Variants in ZNF765 observed in about 807,000 individuals in gnomAD.
The protein encoded by ZNF765 is zinc finger protein 765.
A neutral mutation model predicts 44.7 loss-of-function variants in ZNF765; 37 were observed. The ratio of observed to expected loss-of-function variants is 0.83; its 90% confidence interval spans 0.64 to 1.09. The LOEUF (loss-of-function observed/expected upper bound fraction) is 1.09, where lower values mean the gene tolerates loss of function less well. ZNF765 is among the 50% of genes least tolerant of loss of function. ZNF765 has a pLI of 0.00. For missense variants in ZNF765, 594 were observed against 626.1 expected (o/e 0.95, Z 0.55); for synonymous variants, 201 against 213.7 (o/e 0.94, Z 0.52).
intron 3 of ZNF765, among the ~76,000 whole-genome samples, chr19:53,420,715 A>G (rs2085901896): frequency 1.3e-5 from 2 of 152,102 alleles, no homozygotes; most frequent in Admixed American, 1.3e-4. Context: ...GGTTTAATGG[A>G]TTTAGGGCTG....
At chr19:53,421,487 A>C (rs951772320) in intron 3 of ZNF765, among the ~76,000 whole-genome samples, 4 of 151,620 alleles carry the variant, frequency 2.6e-5, no homozygotes, top group Non-Finnish European at 2.9e-5. Flanking sequence ...GGCCCCCTTC[A>C]GAAAATAGAC....
chr19:53,415,314 T>G (rs1459005337), downstream of ZNF765, among the ~76,000 whole-genome samples: 2 of 151,472 alleles, frequency 1.3e-5, no homozygotes, highest in African/African-American at 2.4e-5. Context: ...ACATCACTGA[T>G]TGGTGAAAGC....
chr19:53,421,389 C>CT (rs1324148143), intron 3 of ZNF765, among the ~76,000 whole-genome samples: 1 of 152,208 alleles, frequency 6.6e-6, no homozygotes, highest in African/African-American at 2.4e-5. Context: ...GCCCACTGTT[C>CT]TTTTTCTATA....
At chr19:53,404,000 A>G (rs1050225484) in intron 3 of ZNF765, among the ~76,000 whole-genome samples, 2 of 152,040 alleles carry the variant, frequency 1.3e-5, no homozygotes, top group Non-Finnish European at 2.9e-5. Flanking sequence ...TAAATAACAG[A>G]AAAAAAAGTT....
rs1352429692 is a variant in ZNF765 at position 53,408,061 on chromosome 19, A to G, written c.506A>G (p.His169Arg). 6.2e-7 allele frequency: 1 copy of G among 1,614,084 alleles called. No individual in the cohort carries two copies. Among genetic ancestry groups the G allele is most frequent in the East Asian group, 2.2e-5 (1 of 44,888 alleles). ...GATAATCAAGTTGTGAAGTCTATCC[A>G]CGATGCTTCCTTGGTTTCAACAGCC... is the stretch of plus-strand genomic sequence containing the variant. ...KIDNQVVKSI[H>R]DASLVSTAQR... Residue 169 changes from histidine (H) to arginine (R), a missense_variant, in exon 4 of 4, where the codon CAC becomes CGC. Physicochemically the swap from His to Arg is conservative, Grantham distance 29 (BLOSUM62 0). Coordinates refer to ENST00000396408, the MANE Select transcript of ZNF765 (RefSeq NM_001040185.3).
At chr19:53,403,812 A>T (rs1203813409) in intron 3 of ZNF765, among the ~76,000 whole-genome samples, 2 of 149,528 alleles carry the variant, frequency 1.3e-5, no homozygotes, top group Non-Finnish European at 3.0e-5. Flanking sequence ...ACTGCCCTCC[A>T]GCCTGGGTGA....
At chr19:53,397,837 G>C (rs1360530694) in intron 1 of ZNF765, 106 bp from the exon 2 acceptor site, 2 of 1,166,300 alleles carry the variant, frequency 1.7e-6, no homozygotes, top group Non-Finnish European at 2.4e-6. Context: ...CGGCAGCATA[G>C]GGGACCGTAT....
rs373432729 is a variant in ZNF765 at position 53,408,938 on chromosome 19, T to C, written c.1383T>C (p.Thr461=). ...TTGAAATACATCAGAAAATTCATAC[T>C]GAAGAGAATCCTTACAAGTGTAATG... ...SNLEIHQKIH[T]EENPYKCNEC... Residue 461 remains threonine (T), a synonymous_variant, in exon 4 of 4, where the codon ACT becomes ACC. Transcript: ENST00000396408. 2.5e-6 allele frequency: 4 copies of C among 1,613,862 alleles called. No homozygotes were observed. In the African/African-American group the frequency reaches 5.3e-5, roughly 22 times the overall value.
Position 53,400,483 on chromosome 19 carries a change from TC to T in ZNF765, c.16-1576del, listed in dbSNP as rs201308555. The stretch of plus-strand genomic sequence containing the variant: ...CCTGTTTTCTTAGATCTGACAAGAT[TC>T]CCCCCTGTCCCCAACTGCCAATGTA... On this transcript the variant is annotated intron_variant, in intron 2 of 3. Transcript: ENST00000396408. Among the ~76,000 whole-genome samples the T allele has an allele frequency of 1.6e-3, 237 of 151,932 alleles. 6 individuals are homozygous for T. The East Asian group carries it at 0.043, about 27-fold the overall frequency.
chr19:53,409,267 C>T lies in ZNF765; in HGVS notation c.*140C>T, dbSNP rs1368381018. The T allele has an allele frequency of 2.8e-5, 29 of 1,026,024 alleles. No homozygotes were observed. Among genetic ancestry groups the T allele is most frequent in the Non-Finnish European group, 4.3e-5 (28 of 653,842 alleles). 63.6% of individuals were successfully genotyped at this position (1,026,024 alleles called of 1,614,324 possible). On this transcript the variant is annotated 3_prime_UTR_variant, in exon 4 of 4. Transcript: ENST00000396408. ...AAACCTTGAAATACATCAGAAAATT[C>T]GTACTGAAGAGAATCTTACAAGTGT...
Position 53,409,378 on chromosome 19 carries a change from G to T in ZNF765, c.*251G>T, listed in dbSNP as rs546782269. ...AGTGGAGAGACCTTACAAATGTGAA[G>T]AATGTGAAGAAGCTTTCTGTTTCAA... On this transcript the variant is annotated 3_prime_UTR_variant, in exon 4 of 4. Transcript: ENST00000396408. 7 of 835,080 alleles carry T rather than the reference G, an allele frequency of 8.4e-6. No homozygotes were observed. Among genetic ancestry groups the T allele is most frequent in the East Asian group, 2.4e-5 (1 of 41,002 alleles). 51.7% of individuals were successfully genotyped at this position (835,080 alleles called of 1,614,324 possible).
intron 3 of ZNF765, among the ~76,000 whole-genome samples, chr19:53,406,176 C>T (rs2085774546): frequency 6.6e-6 from 1 of 150,506 alleles, no homozygotes; most frequent in African/African-American, 2.4e-5. Context: ...TTACAGGCAG[C>T]CACCACCATG....
downstream of ZNF765, chr19:53,413,454 A>G (rs1011389793): frequency 2.3e-6 from 1 of 439,004 alleles, no homozygotes; most frequent in African/African-American, 2.0e-5. Context: ...GACATGTTTT[A>G]TTGGGAATAT....
downstream of ZNF765, among the ~76,000 whole-genome samples, chr19:53,413,930 C>CAAAAAAAAAAAAAAAAAAAAAAAAAAAA (rs386389261): frequency 2.5e-5 from 2 of 79,790 alleles, no homozygotes; most frequent in Non-Finnish European, 2.2e-5. Context: ...GCTAGAAAGA[C>CAAAAAAAAAAAAAAAAAAAAAAAAAAAA]AAAAAAAAAA....
At chr19:53,400,964 T>G (rs955390226) in intron 2 of ZNF765, among the ~76,000 whole-genome samples, 15 of 151,626 alleles carry the variant, frequency 9.9e-5, no homozygotes, top group Non-Finnish European at 7.4e-5. Flanking sequence ...CCCAAGTAGC[T>G]GGGAACCACA....
chr19:53,410,749 A>G lies in ZNF765; in HGVS notation c.*1622A>G. 1 of 437,802 alleles carries G rather than the reference A, an allele frequency of 2.3e-6. No homozygotes were observed. The highest frequency in any genetic ancestry group is 1.7e-5 in the South Asian group (1 of 57,680). The allele number at this position is 437,802 out of a possible 1,614,324, so 27.1% of individuals were successfully genotyped here. On this transcript the variant is annotated 3_prime_UTR_variant, in exon 4 of 4. Transcript: ENST00000396408. ...TCATCGGCGAACTCGTACTGGAGAG[A>G]AACCTTACAAATGTCATGATTGTGA...
chr19:53,410,669 C>A lies in ZNF765; in HGVS notation c.*1542C>A. 4.2e-6 allele frequency: 2 copies of A among 473,688 alleles called. No homozygotes were observed. The highest frequency in any genetic ancestry group is 3.2e-5 in the South Asian group (2 of 62,002). 29.3% of individuals were successfully genotyped at this position (473,688 alleles called of 1,614,324 possible). A position where few individuals can be genotyped will look rare whatever the true frequency, so the allele number is the denominator to read the frequency against. On this transcript the variant is annotated 3_prime_UTR_variant, in exon 4 of 4. Transcript: ENST00000396408. ...TGGAGAATCCATAATGAAGAGAGAT[C>A]ATACTAGTTTAATAAATTTGGCAAA...
chr19:53,400,783 T>TATATATATATGTAC (rs10664389), intron 2 of ZNF765, among the ~76,000 whole-genome samples: 2 of 126,760 alleles, frequency 1.6e-5, no homozygotes, highest in African/African-American at 3.0e-5. Flanking sequence ...TATATATATA[T>TATATATATATGTAC]ACACACATAC....
At chr19:53,399,683 A>C (rs1288391300) in intron 2 of ZNF765, among the ~76,000 whole-genome samples, 1 of 151,944 alleles carries the variant, frequency 6.6e-6, no homozygotes, top group Non-Finnish European at 1.5e-5. Context: ...CCATCTCAAA[A>C]AAAAAAAAAA....
Sources: gnomAD v4.1 joint callset for allele counts (sites outside exome capture counted in the v4.1 genomes callset) on GRCh38, gnomAD v4.1.1 for gene constraint, MANE v1.5 for transcripts, NCBI Gene and HGNC (gene_info 2026-07-23, HGNC 2026-07-21) for gene names.